Variants in CROCC observed in about 807,000 individuals in gnomAD.
CROCC encodes the protein rootletin.
CROCC carries 180 observed loss-of-function variants against 245.2 expected under a neutral mutation model. The ratio of observed to expected loss-of-function variants is 0.73; its 90% confidence interval spans 0.65 to 0.83. The LOEUF (loss-of-function observed/expected upper bound fraction) is 0.83, where lower values mean the gene tolerates loss of function less well. CROCC is among the 40% of genes least tolerant of loss of function. The probability of loss-of-function intolerance (pLI) is 0.00; values close to 1 mark genes in which losing one functional copy is unlikely to be tolerated. For synonymous variants in CROCC, 1,205 were observed against 1,241.6 expected (o/e 0.97, Z 0.62); for missense variants, 2,688 against 2,779.4 (o/e 0.97, Z 0.74).
intron 8 of CROCC, among the ~76,000 whole-genome samples, chr1:16,932,999 C>T (rs1476854256): frequency 2.0e-5 from 3 of 152,350 alleles, no homozygotes; most frequent in East Asian, 3.9e-4. Context: ...CTTGTAGAGT[C>T]GAGGTCTCAC....
In CROCC at chr1:16,935,485, A is replaced by G. The variant is rs1364613298; in HGVS notation, c.957-1152A>G. On this transcript the variant is annotated intron_variant, in intron 8 of 36. Coordinates refer to ENST00000375541, the MANE Select transcript of CROCC (RefSeq NM_014675.5). The stretch of plus-strand genomic sequence containing the variant: ...GCCCAGGCTGGAGTGCAGTGGCCCA[A>G]TCTCGGCTCTCTGCAAGCTCCGCCT... 5.9e-5 allele frequency among the ~76,000 whole-genome samples: 9 copies of G among 152,312 alleles called. No homozygotes were observed. The East Asian group carries it at 9.6e-4, about 16-fold the overall frequency.
chr1:16,923,439 C>A (rs1191516054), intron 2 of CROCC, among the ~76,000 whole-genome samples: 4 of 152,280 alleles, frequency 2.6e-5, no homozygotes, highest in Non-Finnish European at 5.9e-5. Flanking sequence ...AGGGCCCTCA[C>A]CCTGACACCT....
rs1482631851 is a variant in CROCC at position 16,972,474 on chromosome 1, CT to C, written c.*29del. On this transcript the variant is annotated 3_prime_UTR_variant, in exon 37 of 37. Coordinates refer to ENST00000375541, the MANE Select transcript of CROCC (RefSeq NM_014675.5). The stretch of plus-strand genomic sequence containing the variant: ...TCCTGCTGGCATCTGGAGAACACCC[CT>C]GTGCCTGGGACAGGGGAGGACCCTT... 6.3e-7 allele frequency: 1 copy of C among 1,577,152 alleles called. No homozygotes were observed. Among genetic ancestry groups the C allele is most frequent in the African/African-American group, 1.4e-5 (1 of 73,820 alleles).
intron 13 of CROCC, among the ~76,000 whole-genome samples, chr1:16,943,411 G>A (rs1378562910): frequency 6.6e-5 from 10 of 152,190 alleles, no homozygotes; most frequent in African/African-American, 1.9e-4. Flanking sequence ...GGTGGCGGGC[G>A]CCTGTATTCC....
chr1:16,955,420 G>A lies in CROCC; in HGVS notation c.3574G>A (p.Glu1192Lys). 6.2e-7 allele frequency: 1 copy of A among 1,601,838 alleles called. No homozygotes were observed. The highest frequency in any genetic ancestry group is 2.2e-5 in the East Asian group (1 of 44,616). Residue 1192 changes from glutamate (E) to lysine (K), a missense_variant, in exon 24 of 37, where the codon GAG becomes AAG. By Grantham distance (56) the Glu-to-Lys change is moderately conservative (BLOSUM62 1). Coordinates refer to ENST00000375541, the MANE Select transcript of CROCC (RefSeq NM_014675.5). ...GCTGCGTGAGAGCCAGGAGGGCCGG[G>A]AGGTGCAGCGCCAGGAGGCAGGCGA... ...RKLRESQEGR[E>K]VQRQEAGELR...
intron 3 of CROCC, 22 bp downstream of exon 3, chr1:16,924,501 G>C: frequency 3.1e-6 from 5 of 1,606,200 alleles, no homozygotes; most frequent in Non-Finnish European, 4.3e-6. Context: ...CCAGGTGGTG[G>C]ACTAGGCCAG....
chr1:16,970,228 G>C lies in CROCC; in HGVS notation c.5452-25G>C, dbSNP rs1204714759. 3.9e-6 allele frequency: 6 copies of C among 1,524,036 alleles called. No individual in the cohort carries two copies. The African/African-American group carries it at 5.5e-5, about 14-fold the overall frequency. 94.4% of individuals were successfully genotyped at this position (1,524,036 alleles called of 1,614,324 possible). A position where few individuals can be genotyped will look rare whatever the true frequency, so the allele number is the denominator to read the frequency against. ...AGTATGCTCAGGCCCAGAGGGATTCGGGGCCTGCCTGGCTTCTGTTGCAGG... is the reference window on the plus strand; with the variant it reads ...AGTATGCTCAGGCCCAGAGGGATTCCGGGCCTGCCTGGCTTCTGTTGCAGG... On this transcript the variant is annotated intron_variant, in intron 33 of 36. Coordinates refer to ENST00000375541, the MANE Select transcript of CROCC (RefSeq NM_014675.5).
rs112528777 is a variant in CROCC at position 16,963,865 on chromosome 1, G to A, written c.4406-1858G>A. ...TGCTGGAGTGCAATGGCGCGATCTC[G>A]ACTCACTGCAACCTCCGCCTGCTGG... On this transcript the variant is annotated intron_variant, in intron 27 of 36. Transcript: ENST00000375541. Among the ~76,000 whole-genome samples, 545 of 151,690 alleles carry A rather than the reference G, an allele frequency of 3.6e-3. 2 individuals carry two copies. The highest frequency in any genetic ancestry group is 0.012 in the African/African-American group (506 of 41,288).
At chr1:16,965,025 A>G (rs1052871562) in intron 27 of CROCC, among the ~76,000 whole-genome samples, 1 of 152,010 alleles carries the variant, frequency 6.6e-6, no homozygotes, top group African/African-American at 2.4e-5. Context: ...CATGTTGGCC[A>G]GGCTTGCCTT....
intron 30 of CROCC, among the ~76,000 whole-genome samples, chr1:16,967,957 A>G (rs1446924694): frequency 6.6e-6 from 1 of 152,178 alleles, no homozygotes; most frequent in Non-Finnish European, 1.5e-5. Context: ...GCGAAGGGGC[A>G]GTCCTGGGTT....
At chr1:16,951,350 C>G (rs1465906183) in intron 20 of CROCC, 1 of 393,334 alleles carries the variant, frequency 2.5e-6, no homozygotes, top group Non-Finnish European at 4.6e-6. Context: ...GCAGAGGGTC[C>G]ACAACCACAT....
chr1:16,934,332 C>T (rs907708049), intron 8 of CROCC, among the ~76,000 whole-genome samples: 15 of 152,192 alleles, frequency 9.9e-5, no homozygotes, highest in Admixed American at 8.5e-4. Context: ...GACAGTCTCT[C>T]TCTGTTGCCC....
upstream of CROCC, among the ~76,000 whole-genome samples, chr1:16,919,556 G>A (rs1295055811): frequency 3.3e-5 from 5 of 152,408 alleles, no homozygotes; most frequent in East Asian, 1.9e-4. Context: ...AACTTTATTC[G>A]GCTGGGAACT....
Position 16,930,537 on chromosome 1 carries a change from G to T in CROCC, c.792G>T (p.Trp264Cys). Reference sequence around the variant, plus strand: ...ACATACGAAAGGTGACCAATGACTGGACACGCTGCCGCAAGGAGCTGGAGC... The same window carrying T: ...ACATACGAAAGGTGACCAATGACTGTACACGCTGCCGCAAGGAGCTGGAGC... ...SEDIRKVTND[W>C]TRCRKELEHR... The change falls in exon 7 of 37, where the codon TGG becomes TGT. Residue 264 changes from tryptophan (W) to cysteine (C), a missense_variant. Trp to Cys is a radical substitution (Grantham distance 215, BLOSUM62 -2). This residue lies in a region of CROCC where 972 missense variants were observed against 895.3 expected (regional missense o/e 1.09). Transcript: ENST00000375541. 5 of 1,612,502 alleles carry T rather than the reference G, an allele frequency of 3.1e-6. No individual in the cohort carries two copies. Among genetic ancestry groups the T allele is most frequent in the Non-Finnish European group, 4.2e-6 (5 of 1,179,832 alleles).
intron 27 of CROCC, among the ~76,000 whole-genome samples, chr1:16,962,045 CTG>C (rs1375536360): frequency 6.6e-6 from 1 of 151,994 alleles, no homozygotes; most frequent in Non-Finnish European, 1.5e-5. Context: ...ACTTGTTACA[CTG>C]TATTGTTTTT....
chr1:16,921,113 C>G (rs564847302), upstream of CROCC, among the ~76,000 whole-genome samples: 1 of 152,294 alleles, frequency 6.6e-6, no homozygotes, highest in Admixed American at 6.5e-5. Context: ...CGTGACCCCC[C>G]AGCACCATGT....
At position 16,954,054 on chromosome 1, in the gene CROCC, C is replaced by G. The variant is rs1398644436; in HGVS notation, c.3187-169C>G. 5 of 609,894 alleles carry G rather than the reference C, an allele frequency of 8.2e-6. No individual in the cohort carries two copies. Among genetic ancestry groups the G allele is most frequent in the Non-Finnish European group, 1.4e-5 (5 of 350,418 alleles). 37.8% of individuals were successfully genotyped at this position (609,894 alleles called of 1,614,324 possible). On this transcript the variant is annotated intron_variant, in intron 21 of 36. Coordinates refer to ENST00000375541, the MANE Select transcript of CROCC (RefSeq NM_014675.5). The surrounding 1 kb of genome is among the most constrained non-coding windows in gnomAD (Gnocchi z 4.4). ...GTATCCACGTCCGGGATTCTTGTGA[C>G]TGCCGTTGTGCCCTTTTCCAGGGCT...
chr1:16,967,038 G>A (rs2076429299), intron 30 of CROCC, among the ~76,000 whole-genome samples: 3 of 142,938 alleles, frequency 2.1e-5, no homozygotes, highest in Non-Finnish European at 4.6e-5. Context: ...AAGGCAGAGT[G>A]AGACCCTGTA....
At position 16,970,295 on chromosome 1, in the gene CROCC, A is replaced by G. The variant is rs1434338440; in HGVS notation, c.5494A>G (p.Thr1832Ala). The change falls in exon 34 of 37, where the codon ACC becomes GCC. Residue 1832 changes from threonine to alanine, a missense_variant. Around this residue, in one of 9 missense-constraint regions of CROCC, gnomAD observed 1,218 missense variants for 1,286.3 expected, o/e 0.95. Transcript: ENST00000375541. ...GGAGGGTGAGGCTGCAGCCCTGAACACCGTCCAGAAGCTGCAAGACGAGCG... is the reference window on the plus strand; with the variant it reads ...GGAGGGTGAGGCTGCAGCCCTGAACGCCGTCCAGAAGCTGCAAGACGAGCG... Reference protein sequence around the residue: ...RQEGEAAALNTVQKLQDERRL... With the variant: ...RQEGEAAALNAVQKLQDERRL... 6.3e-7 allele frequency: 1 copy of G among 1,582,344 alleles called. No homozygotes were observed. Among genetic ancestry groups the G allele is most frequent in the Admixed American group, 1.8e-5 (1 of 55,388 alleles).
Sources: allele counts gnomAD v4.1 joint callset (sites outside exome capture counted in the v4.1 genomes callset), GRCh38; gene constraint gnomAD v4.1.1; regional missense constraint gnomAD v4.1.1; non-coding constraint Gnocchi (gnomAD v3.1); transcripts MANE v1.5; gene names NCBI Gene and HGNC (gene_info 2026-07-23, HGNC 2026-07-21).